The following ERC2 variants were observed in gnomAD, a reference collection of about 807,000 sequenced individuals.
The protein encoded by ERC2 is ELKS/RAB6-interacting/CAST family member 2, also known as ERC protein 2.
Under a neutral mutation model 114.8 loss-of-function variants are expected in ERC2, and 42 were observed. The ratio of observed to expected loss-of-function variants is 0.37; its 90% CI spans 0.29 to 0.47. The LOEUF is 0.47. Ranked by LOEUF, ERC2 falls within the 20% of genes least tolerant of loss-of-function variation. The pLI is 0.99. For missense variants in ERC2, 939 were observed against 1,150.7 expected (o/e 0.82, Z 2.66); for synonymous variants, 454 against 425.5 (o/e 1.07, Z -0.82).
At chr3:56,212,777 G>C (rs982545743) in intron 3 of ERC2, among the ~76,000 whole-genome samples, 2 of 143,296 alleles carry the variant, frequency 1.4e-5, no homozygotes, top group Non-Finnish European at 3.1e-5. Flanking sequence ...CCAAAATATG[G>C]TATATACATA....
At chr3:55,943,527 G>A (rs1298141297) in intron 13 of ERC2, among the ~76,000 whole-genome samples, 66 of 145,294 alleles carry the variant, frequency 4.5e-4, no homozygotes, top group Non-Finnish European at 1.5e-5. Flanking sequence ...CAAGCTTTTG[G>A]TACCTCCTTA....
chr3:55,546,836 G>A (rs949127770), intron 17 of ERC2, among the ~76,000 whole-genome samples: 1 of 152,214 alleles, frequency 6.6e-6, no homozygotes, highest in Non-Finnish European at 1.5e-5. Context: ...ACTTATGTGG[G>A]AAACGAGGAG....
intron 3 of ERC2, among the ~76,000 whole-genome samples, chr3:56,283,718 T>C (rs930163307): frequency 2.0e-5 from 3 of 152,242 alleles, no homozygotes; most frequent in African/African-American, 7.2e-5. Flanking sequence ...TAATTCCAGA[T>C]TCAAGTGATT....
chr3:56,296,031 T>G lies in ERC2; in HGVS notation c.1062A>C (p.Ile354=), dbSNP rs372163131. 5 of 1,593,028 alleles carry G rather than the reference T, an allele frequency of 3.1e-6. No homozygotes were observed. The highest frequency in any genetic ancestry group is 1.4e-5 in the African/African-American group (1 of 73,842). Residue 354 remains isoleucine (I), a synonymous_variant, in exon 3 of 18, where the codon ATA becomes ATC. Coordinates refer to ENST00000288221, the MANE Select transcript of ERC2 (RefSeq NM_015576.3). ...VILDQKEKEN[I]HLREELHRRS... is the part of the protein sequence containing the mutation. ...TGAATGCTCTTACCTCTCTAAGATG[T>G]ATGTTTTCCTTCTCTTTCTGATCTA...
In ERC2 at chr3:55,677,642, C is replaced by T. The variant is rs548795995; in HGVS notation, c.*39+6152G>A. On this transcript the variant is annotated intron_variant, in intron 17 of 17. Transcript: ENST00000288221. ...GGAGAGACGGAAGGTGACTTACCCA[C>T]GATCATCCAAACCTAGGTCTATCTG... Among the ~76,000 whole-genome samples the T allele has an allele frequency of 3.3e-5, 5 of 152,236 alleles. No individual in the cohort carries two copies. In the South Asian group the frequency reaches 6.2e-4, roughly 19 times the overall value.
chr3:55,580,165 C>G (rs1477035395), intron 17 of ERC2, among the ~76,000 whole-genome samples: 1 of 151,828 alleles, frequency 6.6e-6, no homozygotes, highest in Non-Finnish European at 1.5e-5. Flanking sequence ...GCAAAAACAC[C>G]AAAGTGGGTT....
intron 6 of ERC2, among the ~76,000 whole-genome samples, chr3:56,098,873 G>T (rs147532810): frequency 6.6e-6 from 1 of 152,150 alleles, no homozygotes. Context: ...CTGGCTCTTC[G>T]TTCTTGGACT....
chr3:55,981,001 C>T lies in ERC2; in HGVS notation c.2267+4976G>A, dbSNP rs1320696920. Among the ~76,000 whole-genome samples, 4 of 152,226 alleles carry T rather than the reference C, an allele frequency of 2.6e-5. No individual in the cohort carries two copies. In the East Asian group the frequency reaches 7.7e-4, roughly 29 times the overall value. On this transcript the variant is annotated intron_variant, in intron 12 of 17. Coordinates refer to ENST00000288221, the MANE Select transcript of ERC2 (RefSeq NM_015576.3). ...AAGCAAAAGCTAAAGAGAAAAACAA[C>T]ATGCAGCATAAAGCCCTAGTTCTAT... is the stretch of plus-strand genomic sequence containing the variant.
chr3:56,154,114 C>A (rs1376784854), intron 4 of ERC2, among the ~76,000 whole-genome samples: 2 of 152,126 alleles, frequency 1.3e-5, no homozygotes, highest in African/African-American at 4.8e-5. Flanking sequence ...AACTGAGCAG[C>A]CCTGGATCTT....
intron 17 of ERC2, among the ~76,000 whole-genome samples, chr3:55,627,619 ATGAG>A (rs2059573423): frequency 6.6e-6 from 1 of 152,232 alleles, no homozygotes; most frequent in African/African-American, 2.4e-5. Context: ...TAATGAGAAG[ATGAG>A]TGTCTTAAAG....
intron 6 of ERC2, among the ~76,000 whole-genome samples, chr3:56,122,389 T>C (rs73091252): frequency 0.051 from 7,695 of 152,190 alleles, 486 homozygotes; most frequent in African/African-American, 0.15. Context: ...GGAGAAGGGG[T>C]GCAACTTCAG....
intron 2 of ERC2, among the ~76,000 whole-genome samples, chr3:56,328,972 T>C (rs990873498): frequency 2.6e-5 from 4 of 152,240 alleles, no homozygotes; most frequent in Non-Finnish European, 5.9e-5. Flanking sequence ...ATTCTGAAAG[T>C]AACTCAAGTA....
chr3:56,335,180 T>C (rs1345595181), intron 2 of ERC2, among the ~76,000 whole-genome samples: 1 of 152,214 alleles, frequency 6.6e-6, no homozygotes, highest in African/African-American at 2.4e-5. Flanking sequence ...GCATTTACAC[T>C]AGCATGTCAG....
At chr3:55,947,899 C>T (rs2067233107) in intron 13 of ERC2, among the ~76,000 whole-genome samples, 1 of 152,160 alleles carries the variant, frequency 6.6e-6, no homozygotes, top group African/African-American at 2.4e-5. Context: ...ACACACAAGC[C>T]TGTTTCTTAT....
intron 14 of ERC2, among the ~76,000 whole-genome samples, chr3:55,808,025 G>T (rs1028911253): frequency 2.0e-5 from 3 of 152,174 alleles, no homozygotes; most frequent in African/African-American, 7.2e-5. Flanking sequence ...CCAGCTGAGT[G>T]AAGTAAATTG....
chr3:56,242,175 A>G (rs2051365248), intron 3 of ERC2, among the ~76,000 whole-genome samples: 1 of 152,086 alleles, frequency 6.6e-6, no homozygotes, highest in African/African-American at 2.4e-5. Context: ...CTTTGCAGCA[A>G]CTTGGATGGA....
chr3:55,710,760 T>C (rs989744308), intron 15 of ERC2, among the ~76,000 whole-genome samples: 6 of 152,134 alleles, frequency 3.9e-5, no homozygotes, highest in Non-Finnish European at 8.8e-5. Flanking sequence ...GACTAGAGAA[T>C]TTTAGGGCTA....
At chr3:56,174,428 A>G (rs967019686) in intron 3 of ERC2, among the ~76,000 whole-genome samples, 1 of 152,226 alleles carries the variant, frequency 6.6e-6, no homozygotes, top group Admixed American at 6.5e-5. Flanking sequence ...AAAAGTGCTC[A>G]CACATACCCA....
At chr3:55,904,882 G>A (rs188958498) in intron 13 of ERC2, among the ~76,000 whole-genome samples, 15 of 152,314 alleles carry the variant, frequency 9.8e-5, no homozygotes, top group Non-Finnish European at 2.1e-4. Context: ...GACTCAGCCC[G>A]TTTTCACGGT....
Sources: gnomAD v4.1 joint callset for allele counts (sites outside exome capture counted in the v4.1 genomes callset) on GRCh38, gnomAD v4.1.1 for gene constraint, MANE v1.5 for transcripts, NCBI Gene and HGNC (gene_info 2026-07-23, HGNC 2026-07-21) for gene names.